OSTF1: variants seen among roughly 807,000 people sequenced by gnomAD.
OSTF1 encodes osteoclast-stimulating factor 1.
In OSTF1, 27 loss-of-function variants were observed where a neutral mutation model predicts 37.2. That is an observed-to-expected ratio of 0.73 (90% CI 0.54 to 1.00). OSTF1 has a LOEUF of 1.00. Ranked by LOEUF, OSTF1 falls within the 50% of genes least tolerant of loss-of-function variation. The probability of loss-of-function intolerance (pLI) is 0.00; values close to 1 mark genes in which losing one functional copy is unlikely to be tolerated. For missense variants in OSTF1, 232 were observed against 253.8 expected (o/e 0.91, Z 0.58); for synonymous variants, 82 against 89.2 (o/e 0.92, Z 0.46).
chr9:75,114,963 A>G (rs1825455953), intron 1 of OSTF1, among the ~76,000 whole-genome samples: 1 of 152,214 alleles, frequency 6.6e-6, no homozygotes, highest in African/African-American at 2.4e-5. Context: ...TGTGGTAGGC[A>G]CTCGGGTGTC....
At chr9:75,099,270 T>A (rs114193937) in intron 1 of OSTF1, among the ~76,000 whole-genome samples, 2,895 of 151,986 alleles carry the variant, frequency 0.019, 88 homozygotes, top group African/African-American at 0.066. Flanking sequence ...ATGGCTTTTT[T>A]TTTTTTTAAT....
chr9:75,138,992 G>A (rs965617481), intron 8 of OSTF1, among the ~76,000 whole-genome samples: 1 of 130,832 alleles, frequency 7.6e-6, no homozygotes, highest in African/African-American at 2.7e-5. Flanking sequence ...TTTTTTTCTT[G>A]ATGCAATATT....
chr9:75,114,544 T>C (rs1353694458), intron 1 of OSTF1, among the ~76,000 whole-genome samples: 1 of 139,684 alleles, frequency 7.2e-6, no homozygotes, highest in Non-Finnish European at 1.5e-5. Context: ...TAAATTTTTA[T>C]TTAATATTAA....
At chr9:75,097,120 A>G (rs1825100796) in intron 1 of OSTF1, among the ~76,000 whole-genome samples, 3 of 152,214 alleles carry the variant, frequency 2.0e-5, no homozygotes. Context: ...TTCCTGCCAA[A>G]GTTAATATTC....
At chr9:75,122,193 T>C (rs921894489) in intron 2 of OSTF1, among the ~76,000 whole-genome samples, 7 of 152,226 alleles carry the variant, frequency 4.6e-5, no homozygotes, top group South Asian at 2.1e-4. Context: ...AGAGGAGCAT[T>C]GATTTCCAAA....
At chr9:75,102,516 T>G (rs1825211600) in intron 1 of OSTF1, among the ~76,000 whole-genome samples, 1 of 152,162 alleles carries the variant, frequency 6.6e-6, no homozygotes, top group East Asian at 1.9e-4. Flanking sequence ...GTTTTATGAG[T>G]GTGTGTGTCC....
chr9:75,123,771 T>C (rs1454935828), intron 2 of OSTF1, among the ~76,000 whole-genome samples: 1 of 152,156 alleles, frequency 6.6e-6, no homozygotes, highest in Non-Finnish European at 1.5e-5. Context: ...CTGGGAGCTA[T>C]GGATTAAAAG....
At chr9:75,129,267 A>G (rs577587480) in intron 3 of OSTF1, among the ~76,000 whole-genome samples, 1 of 152,214 alleles carries the variant, frequency 6.6e-6, no homozygotes, top group Non-Finnish European at 1.5e-5. Flanking sequence ...ATGCTAGGAA[A>G]TCAGGTTTTT....
At chr9:75,121,393 A>G (rs1246040115) in intron 2 of OSTF1, among the ~76,000 whole-genome samples, 1 of 152,216 alleles carries the variant, frequency 6.6e-6, no homozygotes, top group East Asian at 1.9e-4. Context: ...ACAGGAGAAT[A>G]TACATTTAAT....
At chr9:75,127,542 G>C (rs774339576) in intron 2 of OSTF1, 27 bp from the exon 3 acceptor site, 1 of 1,386,984 alleles carries the variant, frequency 7.2e-7, no homozygotes, top group South Asian at 1.3e-5. Context: ...AAAATCACAT[G>C]GAGTCAAACT....
chr9:75,098,990 G>A (rs1030967918), intron 1 of OSTF1, among the ~76,000 whole-genome samples: 7 of 152,190 alleles, frequency 4.6e-5, no homozygotes, highest in African/African-American at 1.4e-4. Context: ...AAGCTGGAGT[G>A]CAATGGCACG....
At chr9:75,132,012 A>G (rs1011732655) in intron 5 of OSTF1, among the ~76,000 whole-genome samples, 189 bp downstream of exon 5, 4 of 152,214 alleles carry the variant, frequency 2.6e-5, no homozygotes, top group East Asian at 1.9e-4. Context: ...CCCAACATCT[A>G]CTACCCTAGA....
intron 9 of OSTF1, among the ~76,000 whole-genome samples, chr9:75,145,624 G>A (rs1564172230): frequency 6.6e-6 from 1 of 152,148 alleles, no homozygotes; most frequent in Non-Finnish European, 1.5e-5. Flanking sequence ...TGTAGCAAGG[G>A]CAGGATAAAT....
chr9:75,089,962 A>T (rs903419722), intron 1 of OSTF1, among the ~76,000 whole-genome samples: 1 of 152,048 alleles, frequency 6.6e-6, no homozygotes, highest in Non-Finnish European at 1.5e-5. Flanking sequence ...TGGTGGGCTG[A>T]GTGTGAAGGA....
At chr9:75,105,695 TC>T (rs1825271737) in intron 1 of OSTF1, among the ~76,000 whole-genome samples, 1 of 152,110 alleles carries the variant, frequency 6.6e-6, no homozygotes, top group African/African-American at 2.4e-5. Context: ...TCCCAAGGTC[TC>T]CTCAGACTGA....
chr9:75,146,459 C>G (rs1461027719), intron 9 of OSTF1, among the ~76,000 whole-genome samples: 1 of 152,082 alleles, frequency 6.6e-6, no homozygotes, highest in Admixed American at 6.5e-5. Flanking sequence ...GCACCTAGGA[C>G]CAAAACTTCT....
At chr9:75,120,122 C>CA (rs964170642) in intron 2 of OSTF1, among the ~76,000 whole-genome samples, 2 of 152,030 alleles carry the variant, frequency 1.3e-5, no homozygotes, top group African/African-American at 4.8e-5. Flanking sequence ...CATTGTAAGA[C>CA]AAAAAAATCC....
At chr9:75,102,665 C>T (rs930157466) in intron 1 of OSTF1, among the ~76,000 whole-genome samples, 10 of 152,186 alleles carry the variant, frequency 6.6e-5, no homozygotes, top group African/African-American at 9.7e-5. Flanking sequence ...TCTTAGACCC[C>T]GCTTCCTGAA....
chr9:75,118,977 T>G (rs1291386614), intron 2 of OSTF1, among the ~76,000 whole-genome samples: 3 of 152,166 alleles, frequency 2.0e-5, no homozygotes, highest in Non-Finnish European at 4.4e-5. Context: ...CAGAGCTTTC[T>G]CTCTGTGGGC....
Sources: gnomAD v4.1 joint callset for allele counts (sites outside exome capture counted in the v4.1 genomes callset) on GRCh38, gnomAD v4.1.1 for gene constraint, MANE v1.5 for transcripts, NCBI Gene and HGNC (gene_info 2026-07-23, HGNC 2026-07-21) for gene names.